Variants in PCDHGA1 observed in about 807,000 individuals in gnomAD.
The protein encoded by PCDHGA1 is protocadherin gamma subfamily A, 1, also known as protocadherin gamma-A1.
In PCDHGA1, 32 loss-of-function variants were observed where a neutral mutation model predicts 58.0. The ratio of observed to expected loss-of-function variants is 0.55; its 90% confidence interval spans 0.42 to 0.74. The LOEUF (loss-of-function observed/expected upper bound fraction) is 0.74. PCDHGA1 is among the 30% of genes least tolerant of loss of function. The pLI, the probability that PCDHGA1 is intolerant of heterozygous loss-of-function variation, is 0.00. For synonymous variants in PCDHGA1, 498 were observed against 501.1 expected, an observed-to-expected ratio of 0.99 and a Z score of 0.08; for missense variants, 1,205 against 1,182.3, an observed-to-expected ratio of 1.02 and a Z score of -0.28.
At chr5:141,390,919 A>C (rs1254063856) in intron 1 of PCDHGA1, 1 of 152,550 alleles carries the variant, frequency 6.6e-6, no homozygotes, top group Non-Finnish European at 1.5e-5. Flanking sequence ...AAAAAGGTCT[A>C]CTATGCTCAT....
intron 1 of PCDHGA1, among the ~76,000 whole-genome samples, chr5:141,338,461 A>G (rs1324658307): frequency 6.6e-6 from 1 of 152,224 alleles, no homozygotes; most frequent in Non-Finnish European, 1.5e-5. Flanking sequence ...AGATGTTTGG[A>G]GCAAGGGCAG....
At chr5:141,419,017 A>G (rs1478763916) in intron 1 of PCDHGA1, 4 of 1,613,928 alleles carry the variant, frequency 2.5e-6, no homozygotes, top group Non-Finnish European at 3.4e-6. Flanking sequence ...GGTGTAGCTT[A>G]AGTAGAGGTG....
At chr5:141,345,534 C>T in intron 1 of PCDHGA1, 1 of 1,614,180 alleles carries the variant, frequency 6.2e-7, no homozygotes, top group Admixed American at 1.7e-5. Flanking sequence ...GGGGGCGCCC[C>T]TGTCCTCCTT....
At chr5:141,399,008 G>A (rs2093737383) in intron 1 of PCDHGA1, 4 of 1,613,904 alleles carry the variant, frequency 2.5e-6, no homozygotes, top group African/African-American at 1.3e-5. Flanking sequence ...AATTCAAAGA[G>A]CGGAGAAATT....
At chr5:141,484,880 T>G (rs1258072805) in intron 1 of PCDHGA1, 3 of 336,846 alleles carry the variant, frequency 8.9e-6, no homozygotes, top group Admixed American at 9.2e-5. Flanking sequence ...GAGGATAGGG[T>G]GGGCTTTTTC....
intron 1 of PCDHGA1, chr5:141,403,093 C>T (rs1368239890): frequency 6.2e-7 from 1 of 1,614,072 alleles, no homozygotes; most frequent in Non-Finnish European, 8.5e-7. Flanking sequence ...TTGTGGGCAA[C>T]ATCTCCAAGG....
chr5:141,461,072 A>G (rs555905734), intron 1 of PCDHGA1, among the ~76,000 whole-genome samples: 2 of 151,574 alleles, frequency 1.3e-5, no homozygotes, highest in Non-Finnish European at 2.9e-5. Flanking sequence ...ACATTTTTGC[A>G]ATTGTGAATT....
intron 1 of PCDHGA1, among the ~76,000 whole-genome samples, chr5:141,455,808 A>G (rs2098832210): frequency 6.6e-6 from 1 of 152,050 alleles, no homozygotes; most frequent in Non-Finnish European, 1.5e-5. Flanking sequence ...TAAAAAATGA[A>G]AACTTCCCAA....
At position 141,430,761 on chromosome 5, in the gene PCDHGA1, T is replaced by C. The variant is rs769012885; in HGVS notation, c.2422-64046T>C. The C allele has an allele frequency of 2.0e-6, 3 of 1,506,132 alleles. No individual in the cohort carries two copies. The African/African-American group carries it at 4.2e-5, about 21-fold the overall frequency. The allele number at this position is 1,506,132 out of a possible 1,614,324, so 93.3% of individuals were successfully genotyped here. ...AAATAATTCTGGAGGAAGATAAGAATGATTCCTGCGCGACTGCACCGGGAC... is the reference window on the plus strand; with the variant it reads ...AAATAATTCTGGAGGAAGATAAGAACGATTCCTGCGCGACTGCACCGGGAC... On this transcript the variant is annotated intron_variant, in intron 1 of 3. Coordinates refer to ENST00000517417, the MANE Select transcript of PCDHGA1 (RefSeq NM_018912.3).
Position 141,332,523 on chromosome 5 carries a change from G to A in PCDHGA1, c.1839G>A (p.Glu613=). 3 of 1,612,916 alleles carry A rather than the reference G, an allele frequency of 1.9e-6. No individual in the cohort carries two copies. The highest frequency in any genetic ancestry group is 2.5e-6 in the Non-Finnish European group (3 of 1,179,932). ...CCTACCGCCTGCTCAAGGCCAGCGA[G>A]CCGGGACTCTTCTCGGTGGGTCTGC... The part of the protein sequence containing the change: ...WLSYRLLKAS[E]PGLFSVGLHT... The change falls in exon 1 of 4, where the codon GAG becomes GAA. Residue 613 remains glutamate (E), a synonymous_variant. Transcript: ENST00000517417. The surrounding 1 kb of genome is among the most constrained non-coding windows in gnomAD (Gnocchi z 4.6).
At chr5:141,352,651 C>T (rs1444773871) in intron 1 of PCDHGA1, 3 of 1,602,436 alleles carry the variant, frequency 1.9e-6, no homozygotes, top group Non-Finnish European at 2.6e-6. Flanking sequence ...TCGCTTATGA[C>T]CCTTCTTTGT....
chr5:141,472,454 C>T (rs538141635), intron 1 of PCDHGA1, among the ~76,000 whole-genome samples: 3 of 151,192 alleles, frequency 2.0e-5, no homozygotes, highest in South Asian at 4.2e-4. Context: ...GCAGGAGAAT[C>T]GCTTGAACCC....
chr5:141,496,132 C>T (rs865808904), intron 2 of PCDHGA1, among the ~76,000 whole-genome samples: 1 of 152,058 alleles, frequency 6.6e-6, no homozygotes, highest in African/African-American at 2.4e-5. Flanking sequence ...CCCTCACACA[C>T]TGAGCCTTTG....
intron 1 of PCDHGA1, among the ~76,000 whole-genome samples, chr5:141,471,928 G>A (rs1328213264): frequency 6.6e-6 from 1 of 152,152 alleles, no homozygotes; most frequent in African/African-American, 2.4e-5. Context: ...TTTTGGGGGT[G>A]ATGAGAGTTT....
intron 1 of PCDHGA1, chr5:141,398,388 C>G: frequency 6.9e-7 from 1 of 1,454,974 alleles, no homozygotes; most frequent in African/African-American, 1.4e-5. Flanking sequence ...TGCTTGTGAG[C>G]AGCAGGCTAG....
chr5:141,372,510 G>A, intron 1 of PCDHGA1: 1 of 1,613,998 alleles, frequency 6.2e-7, no homozygotes, highest in South Asian at 1.1e-5. Context: ...CTTCCTCCTC[G>A]CGGTGATTCT....
At chr5:141,427,222 A>T (rs536161247) in intron 1 of PCDHGA1, 8 of 456,774 alleles carry the variant, frequency 1.8e-5, no homozygotes, top group Non-Finnish European at 3.5e-5. Flanking sequence ...CGTAGCAGTT[A>T]TACCATGAGA....
At chr5:141,352,805 G>T in intron 1 of PCDHGA1, 1 of 888,810 alleles carries the variant, frequency 1.1e-6, no homozygotes, top group South Asian at 1.8e-5. Context: ...GCATAGCCAA[G>T]ATGGTAAAAC....
At chr5:141,377,890 C>G (rs1204585448) in intron 1 of PCDHGA1, 1 of 152,090 alleles carries the variant, frequency 6.6e-6, no homozygotes, top group Non-Finnish European at 1.5e-5. Context: ...GATAGGATCC[C>G]CCTCTGTTGC....
Sources: allele counts gnomAD v4.1 joint callset (sites outside exome capture counted in the v4.1 genomes callset), GRCh38; gene constraint gnomAD v4.1.1; non-coding constraint Gnocchi (gnomAD v3.1); transcripts MANE v1.5; gene names NCBI Gene and HGNC (gene_info 2026-07-23, HGNC 2026-07-21).